Variants in CTNNA3 observed in about 807,000 individuals in gnomAD.
CTNNA3 encodes catenin alpha 3.
A neutral mutation model predicts 95.7 loss-of-function variants in CTNNA3; 76 were observed. The observed-to-expected ratio is 0.79, with a 90% CI of 0.66 to 0.96. The LOEUF (loss-of-function observed/expected upper bound fraction) is 0.96, where lower values mean the gene tolerates loss of function less well. Ranked by LOEUF, CTNNA3 falls within the 40% of genes least tolerant of loss-of-function variation. The pLI is 0.00. For synonymous variants in CTNNA3, 431 were observed against 374.4 expected, an observed-to-expected ratio of 1.15 and a Z score of -1.74; for missense variants, 1,191 against 1,089.8, an observed-to-expected ratio of 1.09 and a Z score of -1.31.
At chr10:67,651,597 T>C (rs947960145) in intron 1 of CTNNA3, among the ~76,000 whole-genome samples, 1 of 152,230 alleles carries the variant, frequency 6.6e-6, no homozygotes, top group African/African-American at 2.4e-5. Flanking sequence ...TATGTAATGA[T>C]CAATTAATAA....
rs183401057 is a variant in CTNNA3 at position 67,138,039 on chromosome 10, A to G, written c.1047+42278T>C. Among the ~76,000 whole-genome samples the G allele has an allele frequency of 8.2e-4, 125 of 152,272 alleles. 3 individuals are homozygous for G. In the East Asian group the frequency reaches 0.023, roughly 27 times the overall value. On this transcript the variant is annotated intron_variant, in intron 7 of 17. Transcript: ENST00000433211. ...CTCCAGGCATGGACATTTGCTTACA[A>G]AATAAATATTGTATATTATAACAGG...
At chr10:67,580,225 T>C (rs1048229042) in intron 3 of CTNNA3, among the ~76,000 whole-genome samples, 2 of 152,224 alleles carry the variant, frequency 1.3e-5, no homozygotes, top group Non-Finnish European at 2.9e-5. Context: ...CTTGAATTAA[T>C]TTTTGTATAA....
intron 7 of CTNNA3, among the ~76,000 whole-genome samples, chr10:66,909,532 A>C (rs1369033353): frequency 6.6e-6 from 1 of 151,904 alleles, no homozygotes; most frequent in Non-Finnish European, 1.5e-5. Flanking sequence ...TAAATAAATA[A>C]ATAAATAAAT....
intron 11 of CTNNA3, among the ~76,000 whole-genome samples, chr10:66,397,226 G>T (rs2132547833): frequency 6.6e-6 from 1 of 151,608 alleles, no homozygotes; most frequent in South Asian, 2.1e-4. Flanking sequence ...TAATATACAT[G>T]CATTACTATT....
At chr10:66,977,036 A>T (rs965358643) in intron 7 of CTNNA3, among the ~76,000 whole-genome samples, 1 of 152,198 alleles carries the variant, frequency 6.6e-6, no homozygotes, top group Non-Finnish European at 1.5e-5. Flanking sequence ...GAATTAGCCA[A>T]TGGTTGATAG....
chr10:67,587,862 T>C (rs768263536), intron 3 of CTNNA3, among the ~76,000 whole-genome samples: 1 of 152,216 alleles, frequency 6.6e-6, no homozygotes, highest in Non-Finnish European at 1.5e-5. Context: ...AGTTACTTTA[T>C]GTTGTGCCAA....
At chr10:66,143,284 C>T (rs912554842) in intron 13 of CTNNA3, among the ~76,000 whole-genome samples, 3 of 151,994 alleles carry the variant, frequency 2.0e-5, no homozygotes, top group Non-Finnish European at 4.4e-5. Flanking sequence ...CAAGCAATAG[C>T]CGCTGAAATA....
At chr10:67,740,048 G>A (rs921177652) in intron 1 of CTNNA3, among the ~76,000 whole-genome samples, 10 of 152,172 alleles carry the variant, frequency 6.6e-5, no homozygotes, top group African/African-American at 2.4e-4. Flanking sequence ...AGAAAAATGA[G>A]AAATGGGGAA....
chr10:66,723,836 G>A (rs1230863900), intron 9 of CTNNA3, among the ~76,000 whole-genome samples: 1 of 152,186 alleles, frequency 6.6e-6, no homozygotes, highest in Non-Finnish European at 1.5e-5. Context: ...GGCAGTGTTA[G>A]AACAGCCTTG....
At chr10:66,239,174 T>C (rs937043543) in intron 13 of CTNNA3, among the ~76,000 whole-genome samples, 1 of 150,888 alleles carries the variant, frequency 6.6e-6, no homozygotes, top group Non-Finnish European at 1.5e-5. Flanking sequence ...ATTACAATTT[T>C]ATTTTATAAT....
intron 1 of CTNNA3, among the ~76,000 whole-genome samples, chr10:67,707,074 C>T (rs1419791522): frequency 6.6e-6 from 1 of 152,110 alleles, no homozygotes; most frequent in Non-Finnish European, 1.5e-5. Context: ...CCCACTGATC[C>T]TACTTACAAA....
At chr10:67,697,765 T>C (rs568282276), upstream of CTNNA3, among the ~76,000 whole-genome samples, 85 of 152,300 alleles carry the variant, frequency 5.6e-4, no homozygotes, top group African/African-American at 2.0e-3. Context: ...TTTTAATTCC[T>C]TCATAAAAAT....
chr10:66,783,097 A>G (rs972029124), intron 7 of CTNNA3, among the ~76,000 whole-genome samples: 7 of 152,186 alleles, frequency 4.6e-5, no homozygotes, highest in South Asian at 2.1e-4. Context: ...TAAATAACTA[A>G]TTAAGTACTG....
chr10:67,162,938 T>A (rs1861611932), intron 7 of CTNNA3, among the ~76,000 whole-genome samples: 1 of 151,920 alleles, frequency 6.6e-6, no homozygotes, highest in Non-Finnish European at 1.5e-5. Context: ...TAACTCAATA[T>A]GCAACAGATA....
intron 13 of CTNNA3, among the ~76,000 whole-genome samples, chr10:66,232,048 C>T (rs1408871686): frequency 6.6e-6 from 1 of 152,170 alleles, no homozygotes; most frequent in Non-Finnish European, 1.5e-5. Context: ...TGAAATACAA[C>T]CCACAGTGTG....
chr10:67,508,395 A>C (rs1272668914), intron 5 of CTNNA3, among the ~76,000 whole-genome samples: 1 of 152,194 alleles, frequency 6.6e-6, no homozygotes, highest in Non-Finnish European at 1.5e-5. Context: ...AGTTGCCAAA[A>C]ATACACAATG....
At chr10:67,363,837 C>T (rs1843094177) in intron 5 of CTNNA3, among the ~76,000 whole-genome samples, 1 of 152,082 alleles carries the variant, frequency 6.6e-6, no homozygotes, top group African/African-American at 2.4e-5. Context: ...AATTAATAGC[C>T]TACCAATCAA....
At chr10:67,634,406 A>G (rs1839240090) in intron 2 of CTNNA3, among the ~76,000 whole-genome samples, 1 of 152,234 alleles carries the variant, frequency 6.6e-6, no homozygotes. Context: ...GACACTATTA[A>G]GCAACTACAT....
chr10:65,939,984 G>T (rs1180095559), intron 17 of CTNNA3, among the ~76,000 whole-genome samples: 2 of 152,074 alleles, frequency 1.3e-5, no homozygotes, highest in East Asian at 3.9e-4. Flanking sequence ...TTGAGCAATG[G>T]ATTTCTCTTA....
Sources: gnomAD v4.1 joint callset for allele counts (sites outside exome capture counted in the v4.1 genomes callset) on GRCh38, gnomAD v4.1.1 for gene constraint, MANE v1.5 for transcripts, NCBI Gene and HGNC (gene_info 2026-07-23, HGNC 2026-07-21) for gene names.